Variants in OR1M1 observed in about 807,000 individuals in gnomAD.
The protein encoded by OR1M1 is olfactory receptor family 1 subfamily M member 1, also known as olfactory receptor 1M1.
For synonymous variants in OR1M1, 157 were observed against 165.5 expected (o/e 0.95, Z 0.39); for missense variants, 397 against 401.8 (o/e 0.99, Z 0.10).
chr19:9,089,199 C>T (rs1193259263), intron 1 of OR1M1, among the ~76,000 whole-genome samples: 1 of 152,120 alleles, frequency 6.6e-6, no homozygotes, highest in Non-Finnish European at 1.5e-5. Flanking sequence ...TGCCCCCTCC[C>T]TCTACCCTTC....
At chr19:9,091,714 CATTGATGGATTGCCTTTG>C (rs1329023463) in intron 1 of OR1M1, among the ~76,000 whole-genome samples, 2 of 151,822 alleles carry the variant, frequency 1.3e-5, no homozygotes, top group Non-Finnish European at 2.9e-5. Flanking sequence ...ATGTAACACT[CATTGATGGATTGCCTTTG>C]ACGGTGGAGG....
rs541667979 is a variant in OR1M1 at position 9,093,941 on chromosome 19, G to A, written c.697G>A (p.Gly233Ser). Residue 233 changes from glycine (G) to serine (S), a missense_variant, in exon 2 of 2, where the codon GGC becomes AGC. Gly to Ser is a moderately conservative substitution (Grantham distance 56). Coordinates refer to ENST00000641627, the MANE Select transcript of OR1M1 (RefSeq NM_001004456.2). ...CATCATGAAGGTCCCCTCTGCAGGC[G>A]GCAGGAAGAAAGCCTTCTCCACCTG... ...VAIMKVPSAG[G>S]RKKAFSTCSS... 144 of 1,613,912 alleles carry A rather than the reference G, an allele frequency of 8.9e-5. No homozygotes were observed. Among genetic ancestry groups the A allele is most frequent in the Middle Eastern group, 3.3e-4 (2 of 6,082 alleles).
chr19:9,094,201 G>A lies in OR1M1; in HGVS notation c.*15G>A. On this transcript the variant is annotated 3_prime_UTR_variant, in exon 2 of 2. Transcript: ENST00000641627. ...CATCTTCCTGACCACCAGGACTCAG[G>A]AACTTCTGGGGGGTAGAATATATAC... 1 of 1,536,204 alleles carries A rather than the reference G, an allele frequency of 6.5e-7. No homozygotes were observed. Among genetic ancestry groups the A allele is most frequent in the Non-Finnish European group, 8.9e-7 (1 of 1,122,964 alleles).
At chr19:9,092,619 T>C (rs1442730025) in intron 1 of OR1M1, among the ~76,000 whole-genome samples, 1 of 151,702 alleles carries the variant, frequency 6.6e-6, no homozygotes, top group Non-Finnish European at 1.5e-5. Flanking sequence ...ATAATATCTT[T>C]AGCCTGGCGT....
In OR1M1 at chr19:9,095,516, A is replaced by C. The variant is rs930572790; in HGVS notation, c.*1330A>C. 6 of 151,574 alleles carry C rather than the reference A, an allele frequency of 4.0e-5. No homozygotes were observed. Among genetic ancestry groups the C allele is most frequent in the Non-Finnish European group, 5.9e-5 (4 of 68,108 alleles). The allele number at this position is 151,574 out of a possible 1,614,324, so 9.4% of individuals were successfully genotyped here. ...GTCCTCCCACCTCAGCCTCCCAAGT[A>C]GTTGGGACCAGAGGCATGCAGCACC... is the stretch of plus-strand genomic sequence containing the variant. On this transcript the variant is annotated 3_prime_UTR_variant, in exon 2 of 2. Coordinates refer to ENST00000641627, the MANE Select transcript of OR1M1 (RefSeq NM_001004456.2).
In OR1M1 at chr19:9,094,511, T is replaced by C. The variant is rs750901377; in HGVS notation, c.*325T>C. Reference sequence around the variant, plus strand: ...ACATCCTAGGATTACAGGTGTGAGCTACCACGCCGAGCCTCACTTTGAATT... The same window carrying C: ...ACATCCTAGGATTACAGGTGTGAGCCACCACGCCGAGCCTCACTTTGAATT... On this transcript the variant is annotated 3_prime_UTR_variant, in exon 2 of 2. Transcript: ENST00000641627. The C allele has an allele frequency of 1.4e-5, 3 of 208,308 alleles. No homozygotes were observed. Among genetic ancestry groups the C allele is most frequent in the African/African-American group, 2.3e-5 (1 of 42,988 alleles). The allele number at this position is 208,308 out of a possible 1,614,324, so 12.9% of individuals were successfully genotyped here. A position where few individuals can be genotyped will look rare whatever the true frequency, so the allele number is the denominator to read the frequency against.
chr19:9,093,112 A>G, intron 1 of OR1M1, 120 bp from the exon 2 acceptor site: 2 of 605,592 alleles, frequency 3.3e-6, no homozygotes, highest in South Asian at 4.1e-5. Context: ...ACACACACAT[A>G]TATATATATA....
chr19:9,087,890 G>T (rs77893896), intron 1 of OR1M1, among the ~76,000 whole-genome samples: 18,622 of 151,442 alleles, frequency 0.12, 1,280 homozygotes, highest in South Asian at 0.17. Flanking sequence ...GTTTTTCTTC[G>T]TAACTAGACT....
Position 9,093,814 on chromosome 19 carries a change from G to C in OR1M1, c.570G>C (p.Thr190=), listed in dbSNP as rs139852545. 2.3e-5 allele frequency: 37 copies of C among 1,613,964 alleles called. No individual in the cohort carries two copies. Among genetic ancestry groups the C allele is most frequent in the Non-Finnish European group, 3.1e-5 (37 of 1,180,014 alleles). Residue 190 remains threonine, a synonymous_variant, in exon 2 of 2, where the codon ACG becomes ACC. Transcript: ENST00000641627. ...CTCCCATCCTCCGACTTTCGTGCAC[G>C]GACACCTCTGTGAATAGGATCTTCA... ...DLTPILRLSC[T]DTSVNRIFIL...
At chr19:9,087,281 G>C (rs1431230796) in intron 1 of OR1M1, 124 bp downstream of exon 1, 1 of 152,060 alleles carries the variant, frequency 6.6e-6, no homozygotes, top group African/African-American at 2.4e-5. Flanking sequence ...TTGATTTACT[G>C]ATTTATTTAT....
rs771778997 is a variant in OR1M1 at position 9,093,782 on chromosome 19, G to A, written c.538G>A (p.Asp180Asn). ...GSHEVPHYFC[D>N]LTPILRLSCT... ...CCATGAGGTGCCTCACTACTTCTGCGACCTCACTCCCATCCTCCGACTTTC... is the reference window on the plus strand; with the variant it reads ...CCATGAGGTGCCTCACTACTTCTGCAACCTCACTCCCATCCTCCGACTTTC... The change falls in exon 2 of 2, where the codon GAC becomes AAC. Residue 180 changes from aspartate to asparagine, a missense_variant. Physicochemically the swap from Asp to Asn is conservative, Grantham distance 23. Transcript: ENST00000641627. The A allele has an allele frequency of 5.6e-6, 9 of 1,613,892 alleles. No individual in the cohort carries two copies. The highest frequency in any genetic ancestry group is 3.3e-5 in the South Asian group (3 of 91,074).
intron 1 of OR1M1, among the ~76,000 whole-genome samples, chr19:9,090,780 G>T (rs2050288030): frequency 6.6e-6 from 1 of 152,002 alleles, no homozygotes; most frequent in Non-Finnish European, 1.5e-5. Flanking sequence ...CATGAGGCTA[G>T]CTTAAGATTA....
chr19:9,088,071 A>T (rs893952298), intron 1 of OR1M1, among the ~76,000 whole-genome samples: 1 of 151,738 alleles, frequency 6.6e-6, no homozygotes. Context: ...TTGTATTTTT[A>T]GTGGAGCTGG....
intron 1 of OR1M1, among the ~76,000 whole-genome samples, chr19:9,090,512 G>T (rs1432989540): frequency 6.6e-6 from 1 of 152,174 alleles, no homozygotes; most frequent in African/African-American, 2.4e-5. Context: ...CCAGGCAGGA[G>T]TGCAGTGGCG....
rs2050308394 is a variant in OR1M1 at position 9,093,642 on chromosome 19, C to A, written c.398C>A (p.Ala133Asp). Residue 133 changes from alanine (A) to aspartate (D), a missense_variant, in exon 2 of 2, where the codon GCC becomes GAC. Physicochemically the swap from Ala to Asp is moderately radical, Grantham distance 126. Transcript: ENST00000641627. ...GCCATCTGCCACCCATTGCACTACG[C>A]CAAGATCATGAGCCTACGCCTCTGT... The part of the protein sequence containing the change: ...FVAICHPLHY[A>D]KIMSLRLCRL... The A allele has an allele frequency of 1.2e-6, 2 of 1,614,076 alleles. No individual in the cohort carries two copies. Among genetic ancestry groups the A allele is most frequent in the African/African-American group, 2.7e-5 (2 of 74,948 alleles).
Position 9,095,603 on chromosome 19 carries a change from G to A in OR1M1, c.*1417G>A, listed in dbSNP as rs559479905. 1.3e-5 allele frequency: 2 copies of A among 152,010 alleles called. No homozygotes were observed. Among genetic ancestry groups the A allele is most frequent in the African/African-American group, 4.8e-5 (2 of 41,410 alleles). The allele number at this position is 152,010 out of a possible 1,614,324, so 9.4% of individuals were successfully genotyped here. The stretch of plus-strand genomic sequence containing the variant: ...TTTGGTAGAGATGGGGTCTCACTAT[G>A]TTGTCCAGGCTGCTCTCAAACTCCT... On this transcript the variant is annotated 3_prime_UTR_variant, in exon 2 of 2. Transcript: ENST00000641627.
chr19:9,089,262 T>G (rs2050280212), intron 1 of OR1M1, among the ~76,000 whole-genome samples: 2 of 152,146 alleles, frequency 1.3e-5, no homozygotes, highest in Admixed American at 1.3e-4. Context: ...ATTTTTTTTC[T>G]TTTAGCTTTC....
intron 1 of OR1M1, 41 bp from the exon 2 acceptor site, chr19:9,093,191 C>T (rs747426471): frequency 7.6e-7 from 1 of 1,314,270 alleles, no homozygotes; most frequent in Admixed American, 2.1e-5. Flanking sequence ...CCAAAACCAT[C>T]TCCCTGTCAT....
Position 9,093,297 on chromosome 19 carries a change from C to T in OR1M1, c.53C>T (p.Ser18Leu), listed in dbSNP as rs561502650. The stretch of plus-strand genomic sequence containing the variant: ...TCTCAATTCATCCTCCTGGGACTCT[C>T]AGAAAAGCCAGAGCAGGAGACGCTT... The part of the protein sequence containing the change: ...SASQFILLGL[S>L]EKPEQETLLF... Residue 18 changes from serine to leucine, a missense_variant, in exon 2 of 2, where the codon TCA (serine) becomes TTA (leucine). Physicochemically the swap from Ser to Leu is moderately radical, Grantham distance 145 (BLOSUM62 -2). Coordinates refer to ENST00000641627, the MANE Select transcript of OR1M1 (RefSeq NM_001004456.2). The T allele has an allele frequency of 6.2e-7, 1 of 1,613,764 alleles. No individual in the cohort carries two copies. Among genetic ancestry groups the T allele is most frequent in the South Asian group, 1.1e-5 (1 of 91,042 alleles).
Sources: gnomAD v4.1 joint callset for allele counts (sites outside exome capture counted in the v4.1 genomes callset) on GRCh38, gnomAD v4.1.1 for gene constraint, MANE v1.5 for transcripts, NCBI Gene and HGNC (gene_info 2026-07-23, HGNC 2026-07-21) for gene names.